PPP3CA: variants seen among roughly 807,000 people sequenced by gnomAD.
PPP3CA encodes CAM-PRP catalytic subunit.
PPP3CA carries 14 observed loss-of-function variants against 66.5 expected under a neutral mutation model. That is an observed-to-expected ratio of 0.21 (90% CI 0.14 to 0.33). PPP3CA has a LOEUF of 0.33. Ranked by LOEUF, PPP3CA falls within the 10% of genes least tolerant of loss-of-function variation. The pLI is 1.00. For missense variants in PPP3CA, 317 were observed against 639.5 expected (o/e 0.50, Z 5.44); for synonymous variants, 232 against 226.2 (o/e 1.03, Z -0.23).
chr4:101,100,853 T>G (rs1197161766), intron 3 of PPP3CA, among the ~76,000 whole-genome samples: 1 of 152,126 alleles, frequency 6.6e-6, no homozygotes, highest in Non-Finnish European at 1.5e-5. Context: ...CTGGATAATA[T>G]CTATAGGGAA....
At chr4:101,039,031 A>T (rs550019975) in intron 11 of PPP3CA, among the ~76,000 whole-genome samples, 1 of 106,132 alleles carries the variant, frequency 9.4e-6, no homozygotes, top group East Asian at 2.0e-4. Context: ...ATTATTGGTA[A>T]ATCTGAGGCA....
At chr4:101,138,432 T>C (rs531730872) in intron 2 of PPP3CA, among the ~76,000 whole-genome samples, 1 of 152,196 alleles carries the variant, frequency 6.6e-6, no homozygotes. Context: ...ACATAGTAGG[T>C]TTATATAAAT....
chr4:101,137,421 G>A (rs1241175651), intron 2 of PPP3CA, among the ~76,000 whole-genome samples: 1 of 152,144 alleles, frequency 6.6e-6, no homozygotes, highest in East Asian at 1.9e-4. Flanking sequence ...CTCTGTGGCT[G>A]AGGAATGGTT....
Position 101,032,310 on chromosome 4 carries a change from G to A in PPP3CA, c.1296C>T (p.Leu432=). 6.2e-7 allele frequency: 1 copy of A among 1,612,086 alleles called. No homozygotes were observed. Among genetic ancestry groups the A allele is most frequent in the African/African-American group, 1.3e-5 (1 of 74,946 alleles). The stretch of plus-strand genomic sequence containing the variant: ...TCCCTCCAGAAAGTACTCCGCTGGG[G>A]AGCATGCCAGTTGGGGTCAAGCCTT... ...TLKGLTPTGM[L]PSGVLSGGKQ... is the part of the protein sequence containing the mutation. Residue 432 remains leucine, a synonymous_variant, in exon 12 of 14, where the codon CTC becomes CTT. Transcript: ENST00000394854.
chr4:101,304,456 TC>T (rs1728475390), intron 1 of PPP3CA, among the ~76,000 whole-genome samples: 1 of 152,216 alleles, frequency 6.6e-6, no homozygotes, highest in African/African-American at 2.4e-5. Flanking sequence ...AGATTTTACT[TC>T]CTGGTACAAG....
At chr4:101,294,475 T>C (rs761508422) in intron 1 of PPP3CA, among the ~76,000 whole-genome samples, 1 of 152,224 alleles carries the variant, frequency 6.6e-6, no homozygotes, top group Non-Finnish European at 1.5e-5. Context: ...TTCAGTATTA[T>C]AATTTTATAA....
intron 2 of PPP3CA, among the ~76,000 whole-genome samples, chr4:101,195,652 C>T (rs1724766104): frequency 6.6e-6 from 1 of 152,168 alleles, no homozygotes; most frequent in Non-Finnish European, 1.5e-5. Flanking sequence ...AACAATATCA[C>T]TTCTTAAAGT....
At chr4:101,243,509 T>C (rs968779055) in intron 1 of PPP3CA, among the ~76,000 whole-genome samples, 1 of 152,154 alleles carries the variant, frequency 6.6e-6, no homozygotes, top group African/African-American at 2.4e-5. Flanking sequence ...ACTGAACATA[T>C]ATAGCCTTTT....
intron 1 of PPP3CA, among the ~76,000 whole-genome samples, chr4:101,264,146 C>A (rs142475683): frequency 1.3e-5 from 2 of 152,174 alleles, no homozygotes; most frequent in South Asian, 2.1e-4. Context: ...ACATAAAGTT[C>A]TTCATTTACA....
chr4:101,024,307 A>C lies in PPP3CA; in HGVS notation c.*1558T>G, dbSNP rs2110199263. On this transcript the variant is annotated 3_prime_UTR_variant, in exon 14 of 14. Coordinates refer to ENST00000394854, the MANE Select transcript of PPP3CA (RefSeq NM_000944.5). Reference sequence around the variant, plus strand: ...GCACATAAATCCCTTCAGCGGACTCAGTGGAAGGATGAGAATTCTGTAAGT... The same window carrying C: ...GCACATAAATCCCTTCAGCGGACTCCGTGGAAGGATGAGAATTCTGTAAGT... 1 of 152,694 alleles carries C rather than the reference A, an allele frequency of 6.5e-6. No homozygotes were observed. Among genetic ancestry groups the C allele is most frequent in the African/African-American group, 2.4e-5 (1 of 41,588 alleles). 9.5% of individuals were successfully genotyped at this position (152,694 alleles called of 1,614,324 possible).
chr4:101,109,308 T>TAAAAAAAAAAAAAAAA (rs70961775), intron 2 of PPP3CA, among the ~76,000 whole-genome samples: 3 of 90,046 alleles, frequency 3.3e-5, no homozygotes, highest in Admixed American at 1.2e-4. Context: ...ACAGATTAAC[T>TAAAAAAAAAAAAAAAA]AAAAAAAAAA....
intron 1 of PPP3CA, among the ~76,000 whole-genome samples, chr4:101,207,757 C>T (rs1249896488): frequency 6.6e-6 from 1 of 151,362 alleles, no homozygotes; most frequent in Non-Finnish European, 1.5e-5. Flanking sequence ...ACCTGGGAGG[C>T]AGAGGTTGCA....
chr4:101,106,390 AAAGAAAG>A lies in PPP3CA; in HGVS notation c.384+2557_384+2563del, dbSNP rs1730685029. On this transcript the variant is annotated intron_variant, in intron 3 of 13. Transcript: ENST00000394854. ...AAAGAGAGAAAAGAAAGAAAGAAAG[AAAGAAAG>A]AAAGAAAGAAAGAAAGAAAGAAAGA... is the stretch of plus-strand genomic sequence containing the variant. Among the ~76,000 whole-genome samples, 5 of 5,572 alleles carry A rather than the reference AAAGAAAG, an allele frequency of 9.0e-4. 1 individual carries two copies. The highest frequency in any genetic ancestry group is 2.6e-3 in the African/African-American group (5 of 1,942). 3.7% of individuals were successfully genotyped at this position (5,572 alleles called of 152,430 possible). A position where few individuals can be genotyped will look rare whatever the true frequency, so the allele number is the denominator to read the frequency against.
At chr4:101,088,819 G>A (rs1419265273) in intron 6 of PPP3CA, among the ~76,000 whole-genome samples, 1 of 152,176 alleles carries the variant, frequency 6.6e-6, no homozygotes, top group Non-Finnish European at 1.5e-5. Context: ...TGAATTCACA[G>A]TGGGAAAGAG....
chr4:101,253,596 C>T (rs1452048652), intron 1 of PPP3CA, among the ~76,000 whole-genome samples: 2 of 152,094 alleles, frequency 1.3e-5, no homozygotes, highest in Non-Finnish European at 2.9e-5. Flanking sequence ...TCCCAACATC[C>T]TCATTTGTTC....
chr4:101,140,585 T>C (rs763538119), intron 2 of PPP3CA, among the ~76,000 whole-genome samples: 1 of 152,146 alleles, frequency 6.6e-6, no homozygotes, highest in Non-Finnish European at 1.5e-5. Context: ...CAGAATAAGA[T>C]GAAAAATTGG....
At chr4:101,098,997 T>C (rs955269688) in intron 4 of PPP3CA, among the ~76,000 whole-genome samples, 3 of 152,132 alleles carry the variant, frequency 2.0e-5, no homozygotes, top group Non-Finnish European at 4.4e-5. Flanking sequence ...CTCCATTGAA[T>C]ATAGGACTAA....
At chr4:101,290,006 T>C (rs1357538810) in intron 1 of PPP3CA, among the ~76,000 whole-genome samples, 1 of 151,776 alleles carries the variant, frequency 6.6e-6, no homozygotes, top group Non-Finnish European at 1.5e-5. Flanking sequence ...GAAGCTAGCC[T>C]GACATCAGAA....
chr4:101,069,840 A>T (rs1728836351), intron 8 of PPP3CA, among the ~76,000 whole-genome samples: 1 of 152,172 alleles, frequency 6.6e-6, no homozygotes, highest in African/African-American at 2.4e-5. Flanking sequence ...TTTTTTCTCT[A>T]GGTTTTGTGT....
Sources: allele counts gnomAD v4.1 joint callset (sites outside exome capture counted in the v4.1 genomes callset), GRCh38; gene constraint gnomAD v4.1.1; transcripts MANE v1.5; gene names NCBI Gene and HGNC (gene_info 2026-07-23, HGNC 2026-07-21).